DCC: variants seen among roughly 807,000 people sequenced by gnomAD.
DCC encodes netrin receptor DCC.
In DCC, 58 loss-of-function variants were observed where a neutral mutation model predicts 172.5. The observed-to-expected ratio is 0.34, with a 90% confidence interval of 0.27 to 0.42. The LOEUF is 0.42. Ranked by LOEUF, DCC falls within the 10% of genes least tolerant of loss-of-function variation. DCC has a pLI of 1.00. For synonymous variants in DCC, 709 were observed against 644.5 expected, an observed-to-expected ratio of 1.10 and a Z score of -1.52; for missense variants, 1,740 against 1,791.0, an observed-to-expected ratio of 0.97 and a Z score of 0.51.
chr18:52,836,009 A>G (rs1027655295), intron 2 of DCC, among the ~76,000 whole-genome samples: 1 of 152,222 alleles, frequency 6.6e-6, no homozygotes, highest in Non-Finnish European at 1.5e-5. Context: ...GAAACTTACA[A>G]TTATGGCAGA....
intron 2 of DCC, among the ~76,000 whole-genome samples, chr18:52,862,591 G>A (rs2039160580): frequency 6.6e-6 from 1 of 152,038 alleles, no homozygotes; most frequent in Admixed American, 6.6e-5. Context: ...CCAGCTACTT[G>A]GGAGGTTGAG....
At chr18:53,413,332 G>C (rs1277430551) in intron 20 of DCC, among the ~76,000 whole-genome samples, 1 of 152,112 alleles carries the variant, frequency 6.6e-6, no homozygotes, top group East Asian at 1.9e-4. Context: ...GACCAGTATA[G>C]AAAAAAGTTC....
In DCC at chr18:53,233,939, C is replaced by A. The variant is rs530670566; in HGVS notation, c.1911+18342C>A. Among the ~76,000 whole-genome samples the A allele has an allele frequency of 8.6e-5, 13 of 152,044 alleles. No homozygotes were observed. The East Asian group carries it at 2.1e-3, about 25-fold the overall frequency. ...TATCAGCCTGGCCAACATGGTGAAACCTTGTCACTACTAAAAATACAAAAA... is the reference window on the plus strand; with the variant it reads ...TATCAGCCTGGCCAACATGGTGAAAACTTGTCACTACTAAAAATACAAAAA... On this transcript the variant is annotated intron_variant, in intron 12 of 28. Transcript: ENST00000442544.
intron 7 of DCC, among the ~76,000 whole-genome samples, chr18:53,096,087 G>A (rs8083463): frequency 0.26 from 39,186 of 151,664 alleles, 6,195 homozygotes; most frequent in African/African-American, 0.44. Flanking sequence ...GCACACCAGC[G>A]TGGCACATGT....
intron 5 of DCC, among the ~76,000 whole-genome samples, chr18:53,034,946 G>T (rs1048594415): frequency 2.0e-5 from 3 of 151,954 alleles, no homozygotes; most frequent in African/African-American, 7.2e-5. Flanking sequence ...CACTACCCTA[G>T]CTAGTCCTTC....
At chr18:53,430,294 G>GT (rs778692404) in intron 21 of DCC, among the ~76,000 whole-genome samples, 1 of 152,112 alleles carries the variant, frequency 6.6e-6, no homozygotes, top group East Asian at 1.9e-4. Context: ...TGGACAATAC[G>GT]TTTTTCTCTA....
chr18:53,076,601 A>G (rs754965867), intron 7 of DCC, among the ~76,000 whole-genome samples: 3 of 151,902 alleles, frequency 2.0e-5, no homozygotes, highest in Admixed American at 6.6e-5. Flanking sequence ...ATTCTTTTCA[A>G]TATAATGAGG....
intron 7 of DCC, among the ~76,000 whole-genome samples, chr18:53,143,936 A>T (rs2043867844): frequency 6.6e-6 from 1 of 152,212 alleles, no homozygotes; most frequent in Non-Finnish European, 1.5e-5. Context: ...TTGTATTCTT[A>T]TGTTGACATT....
intron 1 of DCC, among the ~76,000 whole-genome samples, chr18:52,438,155 C>T (rs1056696937): frequency 6.6e-6 from 1 of 152,272 alleles, no homozygotes; most frequent in African/African-American, 2.4e-5. Context: ...GCAGCTTGCT[C>T]CCCATCCTCC....
chr18:52,909,909 G>A (rs898186269), intron 3 of DCC, among the ~76,000 whole-genome samples: 3 of 152,132 alleles, frequency 2.0e-5, no homozygotes, highest in Non-Finnish European at 4.4e-5. Context: ...ACAAGTACTA[G>A]CTAGGCAAAG....
chr18:53,167,976 T>G (rs867973673), intron 8 of DCC, among the ~76,000 whole-genome samples: 1 of 152,144 alleles, frequency 6.6e-6, no homozygotes, highest in African/African-American at 2.4e-5. Context: ...TCATCACTGG[T>G]CATTGAGAAA....
At chr18:52,932,676 G>C (rs1246983158) in intron 5 of DCC, among the ~76,000 whole-genome samples, 2 of 152,100 alleles carry the variant, frequency 1.3e-5, no homozygotes, top group African/African-American at 4.8e-5. Context: ...TCTCTATAGA[G>C]CTGAGCATGT....
Position 52,783,319 on chromosome 18 carries a change from T to C in DCC, c.412+30945T>C, listed in dbSNP as rs144394638. ...CAGAACTAAAAATAATTTATACTACTACTCTTTTTTTTTTTTTTTTTTTTT... is the reference window on the plus strand; with the variant it reads ...CAGAACTAAAAATAATTTATACTACCACTCTTTTTTTTTTTTTTTTTTTTT... On this transcript the variant is annotated intron_variant, in intron 2 of 28. Coordinates refer to ENST00000442544, the MANE Select transcript of DCC (RefSeq NM_005215.4). 4.1e-3 allele frequency among the ~76,000 whole-genome samples: 535 copies of C among 129,118 alleles called. 5 individuals are homozygous for C. The highest frequency in any genetic ancestry group is 0.014 in the African/African-American group (504 of 35,382). The allele number at this position is 129,118 out of a possible 152,430, so 84.7% of individuals were successfully genotyped here. A position where few individuals can be genotyped will look rare whatever the true frequency, so the allele number is the denominator to read the frequency against.
intron 2 of DCC, among the ~76,000 whole-genome samples, chr18:52,901,778 A>C (rs1397601044): frequency 6.6e-6 from 1 of 152,232 alleles, no homozygotes. Context: ...ATTTAGAGTC[A>C]CATAGAACCT....
chr18:52,906,476 G>C, intron 3 of DCC, 148 bp downstream of exon 3: 1 of 884,508 alleles, frequency 1.1e-6, no homozygotes, highest in Non-Finnish European at 1.7e-6. Context: ...CCTTGCCGAA[G>C]CATTCAATCA....
At chr18:53,350,860 C>T (rs566812937) in intron 15 of DCC, among the ~76,000 whole-genome samples, 1 of 151,970 alleles carries the variant, frequency 6.6e-6, no homozygotes, top group South Asian at 2.1e-4. Context: ...AACAGAAATT[C>T]CTAGTTTTAA....
chr18:53,309,445 A>T (rs2144793248), intron 13 of DCC, among the ~76,000 whole-genome samples: 1 of 152,254 alleles, frequency 6.6e-6, no homozygotes, highest in South Asian at 2.1e-4. Context: ...CCTATTTCCA[A>T]ATAAGGTCAC....
chr18:53,300,082 T>C (rs2057114718), intron 12 of DCC, among the ~76,000 whole-genome samples: 1 of 152,222 alleles, frequency 6.6e-6, no homozygotes, highest in Admixed American at 6.5e-5. Context: ...GTATTTTGAA[T>C]ATATTCTACC....
At chr18:53,073,291 C>A (rs148070770) in intron 7 of DCC, among the ~76,000 whole-genome samples, 1 of 152,154 alleles carries the variant, frequency 6.6e-6, no homozygotes, top group Non-Finnish European at 1.5e-5. Context: ...TTTGGGAGGC[C>A]AAGGCAGGCA....
Sources: allele counts gnomAD v4.1 joint callset (sites outside exome capture counted in the v4.1 genomes callset), GRCh38; gene constraint gnomAD v4.1.1; transcripts MANE v1.5; gene names NCBI Gene and HGNC (gene_info 2026-07-23, HGNC 2026-07-21).